Variants in PPIP5K2 observed in about 807,000 individuals in gnomAD.
PPIP5K2 encodes diphosphoinositol pentakisphosphate kinase 2.
Under a neutral mutation model 154.6 loss-of-function variants are expected in PPIP5K2, and 105 were observed. The observed-to-expected ratio is 0.68, with a 90% CI of 0.58 to 0.80. The LOEUF (loss-of-function observed/expected upper bound fraction) is 0.80. Among genes scored for constraint, PPIP5K2 ranks in the 30% least tolerant of loss-of-function variants. The pLI is 0.00. For synonymous variants in PPIP5K2, 480 were observed against 490.3 expected (o/e 0.98, Z 0.28); for missense variants, 992 against 1,504.6 (o/e 0.66, Z 5.64).
chr5:103,129,696 A>G lies in PPIP5K2; in HGVS notation c.107A>G (p.Asp36Gly). The G allele has an allele frequency of 6.2e-7, 1 of 1,602,332 alleles. No individual in the cohort carries two copies. Among genetic ancestry groups the G allele is most frequent in the Non-Finnish European group, 8.5e-7 (1 of 1,176,300 alleles). The change falls in exon 2 of 31, where the codon GAT becomes GGT. Residue 36 changes from aspartate to glycine, a missense_variant. Coordinates refer to ENST00000358359, the MANE Select transcript of PPIP5K2 (RefSeq NM_001276277.3). Reference protein sequence around the residue: ...HHADEDDEEEDDSPPERQIVV... With the variant: ...HHADEDDEEEGDSPPERQIVV... ...GCAGATGAAGACGATGAGGAGGAAG[A>G]TGATTCTGTAAGTTGTTTGTTTTTC...
intron 8 of PPIP5K2, among the ~76,000 whole-genome samples, chr5:103,150,511 A>C (rs553899825): frequency 6.6e-6 from 1 of 152,288 alleles, no homozygotes; most frequent in African/African-American, 2.4e-5. Flanking sequence ...GGTGGCTCAC[A>C]CCCATAATCC....
intron 17 of PPIP5K2, among the ~76,000 whole-genome samples, chr5:103,159,554 A>C (rs1468236466): frequency 6.6e-6 from 1 of 152,110 alleles, no homozygotes; most frequent in African/African-American, 2.4e-5. Flanking sequence ...CTGACTTTTT[A>C]TATTCTTTTC....
In PPIP5K2 at chr5:103,173,869, GTGTTC is replaced by G; in HGVS notation, c.2430_2434del (p.Leu811SerfsTer2). The G allele has an allele frequency of 6.3e-7, 1 of 1,587,352 alleles. No individual in the cohort carries two copies. Among genetic ancestry groups the G allele is most frequent in the Non-Finnish European group, 8.6e-7 (1 of 1,157,334 alleles). ...GCTTCTAATTTTAGGTATTCTAGAG[GTGTTC>G]TGTCTCCTGAACGTCATGTTCGTAC... On this transcript the variant is annotated frameshift_variant, in exon 21 of 31. Transcript: ENST00000358359. LOFTEE classifies it high-confidence loss of function.
Position 103,148,030 on chromosome 5 carries a change from A to G in PPIP5K2, c.742A>G (p.Lys248Glu). 1.3e-6 allele frequency: 2 copies of G among 1,547,880 alleles called. No homozygotes were observed. Among genetic ancestry groups the G allele is most frequent in the Non-Finnish European group, 1.8e-6 (2 of 1,136,026 alleles). ...TATGCCCACAGATGGTACTGATGTT[A>G]AGGTAGGATTGATTAAAATAGATTT... ...EFMPTDGTDV[K>E]VYTVGPDYAH... is the part of the protein sequence containing the mutation. Residue 248 changes from lysine to glutamate, a missense_variant and splice_region_variant, in exon 7 of 31, where the codon AAG (lysine) becomes GAG (glutamate). By Grantham distance (56) the Lys-to-Glu change is moderately conservative. Transcript: ENST00000358359.
chr5:103,162,488 G>C (rs913139301), intron 17 of PPIP5K2, among the ~76,000 whole-genome samples: 3 of 151,596 alleles, frequency 2.0e-5, no homozygotes, highest in Non-Finnish European at 4.4e-5. Flanking sequence ...TCAGCCTCCT[G>C]AGTAGCTGAG....
chr5:103,159,708 T>C (rs545520591), intron 17 of PPIP5K2, among the ~76,000 whole-genome samples: 2 of 152,306 alleles, frequency 1.3e-5, no homozygotes, highest in African/African-American at 4.8e-5. Flanking sequence ...TTTTAAAATA[T>C]ATATGCATTG....
Position 103,187,381 on chromosome 5 carries a change from GT to G in PPIP5K2, c.3352+9del, listed in dbSNP as rs1433030576. ...TTGCTCGACACCCAACCAATGGTACGTTTTGCTTTTATTTTAAAAGATACTC... is the reference window on the plus strand; with the variant it reads ...TTGCTCGACACCCAACCAATGGTACGTTTGCTTTTATTTTAAAAGATACTC... On this transcript the variant is annotated splice_donor_region_variant and intron_variant, in intron 28 of 30. Coordinates refer to ENST00000358359, the MANE Select transcript of PPIP5K2 (RefSeq NM_001276277.3). The G allele has an allele frequency of 1.3e-6, 2 of 1,528,724 alleles. No homozygotes were observed. The highest frequency in any genetic ancestry group is 2.7e-5 in the African/African-American group (2 of 72,764). 94.7% of individuals were successfully genotyped at this position (1,528,724 alleles called of 1,614,324 possible).
At chr5:103,166,029 T>C (rs1554217755) in intron 17 of PPIP5K2, among the ~76,000 whole-genome samples, 1 of 152,014 alleles carries the variant, frequency 6.6e-6, no homozygotes, top group African/African-American at 2.4e-5. Flanking sequence ...AGCATTTCTT[T>C]GAAGAATTGT....
At chr5:103,188,798 A>G (rs1357203426) in intron 28 of PPIP5K2, 5 of 161,706 alleles carry the variant, frequency 3.1e-5, no homozygotes, top group African/African-American at 1.2e-4. Context: ...TTTAAAAATG[A>G]AAAATATTTA....
chr5:103,203,779 A>G lies in PPIP5K2; in HGVS notation c.*2145A>G, dbSNP rs1209597265. The G allele has an allele frequency of 6.6e-6, 1 of 152,208 alleles. No homozygotes were observed. Among genetic ancestry groups the G allele is most frequent in the Admixed American group, 6.5e-5 (1 of 15,274 alleles). 9.4% of individuals were successfully genotyped at this position (152,208 alleles called of 1,614,324 possible). On this transcript the variant is annotated 3_prime_UTR_variant, in exon 31 of 31. Coordinates refer to ENST00000358359, the MANE Select transcript of PPIP5K2 (RefSeq NM_001276277.3). Reference sequence around the variant, plus strand: ...AAGCCATATAATAGGCTCAGACCTAACTTAGCCCTTGAAGTCTAGTGCTGG... The same window carrying G: ...AAGCCATATAATAGGCTCAGACCTAGCTTAGCCCTTGAAGTCTAGTGCTGG...
chr5:103,121,605 T>C (rs1363145706), intron 1 of PPIP5K2, among the ~76,000 whole-genome samples: 1 of 152,228 alleles, frequency 6.6e-6, no homozygotes, highest in Non-Finnish European at 1.5e-5. Flanking sequence ...CCTACTTATA[T>C]GTCTGACAAA....
intron 17 of PPIP5K2, among the ~76,000 whole-genome samples, chr5:103,161,005 A>G (rs1304544087): frequency 6.6e-6 from 1 of 150,622 alleles, no homozygotes; most frequent in Non-Finnish European, 1.5e-5. Context: ...CATGTGCACG[A>G]CGTGCAGATT....
chr5:103,153,124 T>C lies in PPIP5K2; in HGVS notation c.1130+375T>C, dbSNP rs146259188. Among the ~76,000 whole-genome samples the C allele has an allele frequency of 2.9e-3, 434 of 152,048 alleles. 3 individuals carry two copies. The highest frequency in any genetic ancestry group is 9.5e-3 in the African/African-American group (394 of 41,566). On this transcript the variant is annotated intron_variant, in intron 10 of 30. Coordinates refer to ENST00000358359, the MANE Select transcript of PPIP5K2 (RefSeq NM_001276277.3). ...ATTCTCTTACTGAAAATTATTCCTTTAAATTCATGTCAGTTGACTGAATGC... is the reference window on the plus strand; with the variant it reads ...ATTCTCTTACTGAAAATTATTCCTTCAAATTCATGTCAGTTGACTGAATGC...
intron 7 of PPIP5K2, 169 bp downstream of exon 7, chr5:103,148,201 T>A: frequency 1.5e-6 from 1 of 674,250 alleles, no homozygotes; most frequent in Non-Finnish European, 2.7e-6. Context: ...CTGAAGCCTA[T>A]GGACTCTTTT....
At chr5:103,183,074 T>C (rs1414639291) in intron 24 of PPIP5K2, among the ~76,000 whole-genome samples, 160 bp from the exon 25 acceptor site, 1 of 151,812 alleles carries the variant, frequency 6.6e-6, no homozygotes, top group Non-Finnish European at 1.5e-5. Flanking sequence ...CAAATTGCTG[T>C]GTAATGGTTT....
intron 2 of PPIP5K2, among the ~76,000 whole-genome samples, chr5:103,130,464 C>T (rs1211563758): frequency 1.3e-5 from 2 of 151,980 alleles, no homozygotes; most frequent in African/African-American, 2.4e-5. Context: ...AGAGAAAAAC[C>T]TGTTCTATTT....
chr5:103,136,648 G>A, intron 3 of PPIP5K2, 84 bp from the exon 4 acceptor site: 1 of 983,036 alleles, frequency 1.0e-6, no homozygotes, highest in South Asian at 1.3e-5. Context: ...AATCTTTTAT[G>A]GGAGGTGGCA....
intron 24 of PPIP5K2, among the ~76,000 whole-genome samples, chr5:103,181,301 C>T (rs1207113956): frequency 6.6e-6 from 1 of 151,928 alleles, no homozygotes; most frequent in African/African-American, 2.4e-5. Flanking sequence ...GGCGTGGTGG[C>T]TCATGCCTGT....
chr5:103,138,329 T>C, intron 4 of PPIP5K2, 55 bp from the exon 5 acceptor site: 3 of 1,063,234 alleles, frequency 2.8e-6, no homozygotes, highest in Non-Finnish European at 4.1e-6. Flanking sequence ...TACAATAATA[T>C]ATTCATTGTG....
Sources: allele counts gnomAD v4.1 joint callset (sites outside exome capture counted in the v4.1 genomes callset), GRCh38; gene constraint gnomAD v4.1.1; transcripts MANE v1.5; gene names NCBI Gene and HGNC (gene_info 2026-07-23, HGNC 2026-07-21).